Variants in GLIS3 observed in about 807,000 individuals in gnomAD.
GLIS3 encodes zinc finger protein GLIS3.
Under a neutral mutation model 78.6 loss-of-function variants are expected in GLIS3, and 53 were observed. The observed-to-expected ratio is 0.67, with a 90% CI of 0.54 to 0.85. GLIS3 has a LOEUF of 0.85. Ranked by LOEUF, GLIS3 falls within the 40% of genes least tolerant of loss-of-function variation. The pLI, the probability that GLIS3 is intolerant of heterozygous loss-of-function variation, is 0.00. For missense variants in GLIS3, 1,703 were observed against 1,231.1 expected (o/e 1.38, Z -5.74); for synonymous variants, 684 against 509.9 (o/e 1.34, Z -4.60).
At chr9:4,262,903 G>A (rs1825656396) in intron 2 of GLIS3, among the ~76,000 whole-genome samples, 1 of 134,734 alleles carries the variant, frequency 7.4e-6, no homozygotes, top group African/African-American at 2.9e-5. Context: ...CATGGTAGCT[G>A]ACAGATGTTG....
intron 6 of GLIS3, among the ~76,000 whole-genome samples, chr9:3,904,393 G>A (rs1190328855): frequency 1.3e-5 from 2 of 152,090 alleles, no homozygotes; most frequent in Non-Finnish European, 1.5e-5. Context: ...AAGAGTTTTC[G>A]GCCTGCCCTA....
chr9:4,220,186 A>G (rs1305140516), intron 2 of GLIS3, among the ~76,000 whole-genome samples: 1 of 152,252 alleles, frequency 6.6e-6, no homozygotes, highest in Non-Finnish European at 1.5e-5. Context: ...AATCCATGAC[A>G]TATTATATAA....
chr9:4,165,307 G>T (rs1158390300), intron 2 of GLIS3, among the ~76,000 whole-genome samples: 1 of 152,158 alleles, frequency 6.6e-6, no homozygotes, highest in Non-Finnish European at 1.5e-5. Flanking sequence ...CGGGCGTGGT[G>T]GCACATGCCT....
chr9:4,392,123 T>C, the GLIS3 span, among the ~76,000 whole-genome samples: 2 of 151,916 alleles, frequency 1.3e-5, no homozygotes, highest in Non-Finnish European at 2.9e-5. Flanking sequence ...TGAAAGCAAT[T>C]AGCTTCAGCA....
the GLIS3 span, among the ~76,000 whole-genome samples, chr9:4,426,659 T>C: frequency 6.6e-6 from 1 of 152,370 alleles, no homozygotes; most frequent in African/African-American, 2.4e-5. Context: ...TGGGCAACCA[T>C]ATAGCAAAAT....
chr9:4,142,416 T>C (rs1199471215), intron 2 of GLIS3, among the ~76,000 whole-genome samples: 1 of 152,170 alleles, frequency 6.6e-6, no homozygotes, highest in Non-Finnish European at 1.5e-5. Context: ...CAAAATCCTT[T>C]CCTAATTATC....
chr9:4,267,554 C>T (rs1826127241), intron 2 of GLIS3, among the ~76,000 whole-genome samples: 1 of 152,198 alleles, frequency 6.6e-6, no homozygotes. Flanking sequence ...TTGACAATCC[C>T]TAGCTACTTA....
chr9:4,346,154 TAAAGG>T (rs1426614611), intron 2 of GLIS3, among the ~76,000 whole-genome samples: 1 of 152,216 alleles, frequency 6.6e-6, no homozygotes, highest in African/African-American at 2.4e-5. Context: ...TACTTGCCTG[TAAAGG>T]AAACCTCAAG....
At chr9:4,119,426 A>G (rs982502839) in intron 3 of GLIS3, among the ~76,000 whole-genome samples, 4 of 152,218 alleles carry the variant, frequency 2.6e-5, no homozygotes, top group East Asian at 1.9e-4. Context: ...TAATTTCACA[A>G]TTTAGTTTCA....
intron 4 of GLIS3, among the ~76,000 whole-genome samples, chr9:4,048,124 G>C (rs924819210): frequency 2.0e-5 from 3 of 152,176 alleles, no homozygotes; most frequent in African/African-American, 7.2e-5. Context: ...GCAGTTCTGT[G>C]TGTTCACACT....
chr9:4,482,032 T>G, the GLIS3 span, among the ~76,000 whole-genome samples: 1 of 152,224 alleles, frequency 6.6e-6, no homozygotes, highest in African/African-American at 2.4e-5. Flanking sequence ...CTAGTGAGAT[T>G]GAAGATTTTT....
At chr9:4,176,592 C>G (rs1026307654) in intron 2 of GLIS3, among the ~76,000 whole-genome samples, 12 of 152,032 alleles carry the variant, frequency 7.9e-5, no homozygotes, top group African/African-American at 2.4e-5. Flanking sequence ...CAAAGAACAT[C>G]TCTATGCACA....
At chr9:4,470,090 T>G in the GLIS3 span, among the ~76,000 whole-genome samples, 1 of 152,054 alleles carries the variant, frequency 6.6e-6, no homozygotes, top group Non-Finnish European at 1.5e-5. Context: ...AATAACAGGC[T>G]CTGAAATTGA....
intron 2 of GLIS3, among the ~76,000 whole-genome samples, chr9:4,262,933 CAAAA>C (rs34292499): frequency 1.0e-5 from 1 of 97,880 alleles, no homozygotes; most frequent in Non-Finnish European, 2.1e-5. Context: ...GTGTTTGCCT[CAAAA>C]AAAAAAAAAA....
intron 1 of GLIS3, among the ~76,000 whole-genome samples, chr9:4,287,038 C>T (rs1308417102): frequency 6.6e-6 from 1 of 152,122 alleles, no homozygotes; most frequent in Non-Finnish European, 1.5e-5. Flanking sequence ...TCCCTAGATT[C>T]GAAAAAGATG....
intron 4 of GLIS3, among the ~76,000 whole-genome samples, chr9:3,960,428 T>C (rs1195473661): frequency 1.3e-5 from 2 of 152,212 alleles, no homozygotes; most frequent in Non-Finnish European, 2.9e-5. Flanking sequence ...TATGTATTTC[T>C]CCTACAGCAT....
the GLIS3 span, among the ~76,000 whole-genome samples, chr9:4,483,745 G>A: frequency 9.4e-3 from 1,419 of 150,732 alleles, 24 homozygotes; most frequent in African/African-American, 0.032. Context: ...AAAAAAAGAG[G>A]TGTTGGTTAA....
the GLIS3 span, among the ~76,000 whole-genome samples, chr9:4,394,335 T>A: frequency 4.6e-5 from 7 of 151,812 alleles, no homozygotes; most frequent in African/African-American, 1.2e-4. Flanking sequence ...CTCATAATTT[T>A]AAAAAATTAT....
intron 4 of GLIS3, among the ~76,000 whole-genome samples, chr9:4,098,827 C>A (rs184115236): frequency 6.6e-6 from 1 of 152,090 alleles, no homozygotes; most frequent in Non-Finnish European, 1.5e-5. Flanking sequence ...TTTGTCACCC[C>A]AAATTAGTTC....
Sources: gnomAD v4.1 joint callset for allele counts (sites outside exome capture counted in the v4.1 genomes callset) on GRCh38, gnomAD v4.1.1 for gene constraint, MANE v1.5 for transcripts, NCBI Gene and HGNC (gene_info 2026-07-23, HGNC 2026-07-21) for gene names.